TSC22D3: variants seen among roughly 807,000 people sequenced by gnomAD.
TSC22D3 encodes the protein TSC22 domain family protein 3.
In TSC22D3, 4 loss-of-function variants were observed where a neutral mutation model predicts 11.1. That is an observed-to-expected ratio of 0.36 (90% CI 0.18 to 0.83). The LOEUF (loss-of-function observed/expected upper bound fraction) is 0.83. TSC22D3 is among the 40% of genes least tolerant of loss of function. The pLI, the probability that TSC22D3 is intolerant of heterozygous loss-of-function variation, is 0.48. For synonymous variants in TSC22D3, 77 were observed against 70.3 expected, an observed-to-expected ratio of 1.10 and a Z score of -0.48; for missense variants, 118 against 159.4, an observed-to-expected ratio of 0.74 and a Z score of 1.40.
chrX:107,734,440 C>T (rs944430670), intron 1 of TSC22D3, among the ~76,000 whole-genome samples: 1 of 112,573 alleles, frequency 8.9e-6, no homozygotes, highest in Admixed American at 9.4e-5. Context: ...AAATCATAAG[C>T]AAAAGGTGAC....
At chrX:107,765,970 C>CACCTTTTTG (rs1929636976) in intron 1 of TSC22D3, among the ~76,000 whole-genome samples, 1 of 112,018 alleles carries the variant, frequency 8.9e-6, no homozygotes, top group African/African-American at 3.2e-5. Flanking sequence ...ATTCCCACAC[C>CACCTTTTTG]ACCTTTTTGA....
chrX:107,761,962 T>G (rs777629358), intron 1 of TSC22D3, among the ~76,000 whole-genome samples: 7 of 112,256 alleles, frequency 6.2e-5, no homozygotes, highest in African/African-American at 1.9e-4. Context: ...CCCGTTAGCC[T>G]GTGTTCTCCT....
At chrX:107,749,081 T>C (rs1928809242) in intron 1 of TSC22D3, among the ~76,000 whole-genome samples, 1 of 110,630 alleles carries the variant, frequency 9.0e-6, no homozygotes, top group South Asian at 3.8e-4. Flanking sequence ...ATGCCTGTGA[T>C]CCCAGCATTT....
intron 1 of TSC22D3, chrX:107,716,530 C>CA (rs1341957420): frequency 1.0e-6 from 1 of 978,850 alleles, no homozygotes; most frequent in African/African-American, 2.1e-5. Context: ...CGGCGGTGAC[C>CA]CCCCCCTTCC....
At chrX:107,721,865 C>CT (rs1569447759) in intron 1 of TSC22D3, 1 of 517,608 alleles carries the variant, frequency 1.9e-6, no homozygotes, top group African/African-American at 2.3e-5. Flanking sequence ...TTACTTGTCC[C>CT]TTTTTCTGAA....
rs974372482 is a variant in TSC22D3, at chrX:107,713,573, G to C, written c.*946C>G. 1 of 112,901 alleles carries C rather than the reference G, an allele frequency of 8.9e-6. No homozygotes were observed. The highest frequency in any genetic ancestry group is 3.2e-5 in the African/African-American group (1 of 30,931). 9.3% of individuals were successfully genotyped at this position (112,901 alleles called of 1,213,427 possible). On this transcript the variant is annotated 3_prime_UTR_variant, in exon 3 of 3. Transcript: ENST00000372383. ...ATGTAGTCAGCACCAGTGAATGGTG[G>C]GTTTGGCATTCAAAACAGGACTTCA...
intron 1 of TSC22D3, 96 bp from the exon 2 acceptor site, chrX:107,716,046 T>C: frequency 1.1e-6 from 1 of 950,956 alleles, no homozygotes; most frequent in Non-Finnish European, 1.5e-6. Context: ...GCCTCGGCTC[T>C]TCCTCTCTCT....
chrX:107,722,492 T>C (rs1296619687), intron 1 of TSC22D3, among the ~76,000 whole-genome samples: 1 of 112,353 alleles, frequency 8.9e-6, no homozygotes, highest in Non-Finnish European at 1.9e-5. Context: ...TTCATCACCC[T>C]AACTTTGGTG....
intron 1 of TSC22D3, among the ~76,000 whole-genome samples, chrX:107,753,526 A>G (rs965673946): frequency 1.8e-5 from 2 of 111,467 alleles, no homozygotes; most frequent in Non-Finnish European, 1.9e-5. Flanking sequence ...TGATACAGCC[A>G]TCAGGTTATA....
chrX:107,753,205 C>A (rs1428510240), intron 1 of TSC22D3, among the ~76,000 whole-genome samples: 2 of 110,923 alleles, frequency 1.8e-5, no homozygotes, highest in African/African-American at 6.6e-5. Flanking sequence ...TAAGTGCTTG[C>A]TGAGCCAGAG....
intron 1 of TSC22D3, among the ~76,000 whole-genome samples, chrX:107,772,967 C>T (rs962760525): frequency 3.5e-5 from 4 of 112,887 alleles, no homozygotes; most frequent in African/African-American, 1.3e-4. Context: ...AGCCTGAGAG[C>T]TTGCTGGTTA....
chrX:107,745,061 G>A (rs952673596), intron 1 of TSC22D3, among the ~76,000 whole-genome samples: 3 of 112,195 alleles, frequency 2.7e-5, no homozygotes, highest in Admixed American at 1.9e-4. Context: ...GGATGTATCC[G>A]TTGCAGCAAA....
intron 1 of TSC22D3, among the ~76,000 whole-genome samples, chrX:107,750,368 G>A (rs1426564578): frequency 1.8e-5 from 2 of 110,745 alleles, no homozygotes; most frequent in Non-Finnish European, 3.8e-5. Context: ...AGAAGGCAGA[G>A]GCTAAAAGGA....
chrX:107,760,856 G>A (rs1929406869), intron 1 of TSC22D3, among the ~76,000 whole-genome samples: 2 of 112,407 alleles, frequency 1.8e-5, no homozygotes, highest in African/African-American at 6.5e-5. Context: ...AATGAAGAAA[G>A]TTGAGAGAGC....
chrX:107,768,600 C>G (rs1929768618), intron 1 of TSC22D3, among the ~76,000 whole-genome samples: 1 of 112,111 alleles, frequency 8.9e-6, no homozygotes, highest in Non-Finnish European at 1.9e-5. Context: ...CTTTTGAACT[C>G]TCATGCTGTC....
intron 1 of TSC22D3, among the ~76,000 whole-genome samples, chrX:107,725,553 C>T (rs889791752): frequency 2.7e-5 from 3 of 112,065 alleles, no homozygotes; most frequent in Admixed American, 1.9e-4. Context: ...AGACCCATTT[C>T]GTGTGACACA....
chrX:107,755,947 A>G (rs1411332673), intron 1 of TSC22D3, among the ~76,000 whole-genome samples: 1 of 111,912 alleles, frequency 8.9e-6, no homozygotes, highest in African/African-American at 3.3e-5. Flanking sequence ...ACCAAGGGAA[A>G]GGCCTGCTGC....
chrX:107,760,159 C>T (rs1929371710), intron 1 of TSC22D3, among the ~76,000 whole-genome samples: 1 of 113,233 alleles, frequency 8.8e-6, no homozygotes, highest in African/African-American at 3.2e-5. Flanking sequence ...CCAACCCGAA[C>T]AGCAAGCCTT....
At chrX:107,750,474 G>A (rs1047841123) in intron 1 of TSC22D3, among the ~76,000 whole-genome samples, 2 of 111,360 alleles carry the variant, frequency 1.8e-5, no homozygotes, top group African/African-American at 6.5e-5. Context: ...TGGAAGTGGC[G>A]GGCAAGAAGG....
Sources: gnomAD v4.1 joint callset for allele counts (sites outside exome capture counted in the v4.1 genomes callset) on GRCh38, gnomAD v4.1.1 for gene constraint, MANE v1.5 for transcripts, NCBI Gene and HGNC (gene_info 2026-07-23, HGNC 2026-07-21) for gene names.